The following PTPN14 variants were observed in gnomAD, a reference collection of about 807,000 sequenced individuals.
The protein encoded by PTPN14 is protein tyrosine phosphatase non-receptor type 14, also known as tyrosine-protein phosphatase non-receptor type 14.
A neutral mutation model predicts 126.8 loss-of-function variants in PTPN14; 53 were observed. That is an observed-to-expected ratio of 0.42 (90% CI 0.34 to 0.53). The LOEUF (loss-of-function observed/expected upper bound fraction) is 0.53. Ranked by LOEUF, PTPN14 falls within the 20% of genes least tolerant of loss-of-function variation. The probability of loss-of-function intolerance (pLI) is 0.08; values close to 1 mark genes in which losing one functional copy is unlikely to be tolerated. For missense variants in PTPN14, 1,257 were observed against 1,552.9 expected (o/e 0.81, Z 3.20); for synonymous variants, 630 against 599.3 (o/e 1.05, Z -0.75).
chr1:214,395,296 G>A (rs1658851901), intron 8 of PTPN14, among the ~76,000 whole-genome samples: 1 of 152,042 alleles, frequency 6.6e-6, no homozygotes, highest in Non-Finnish European at 1.5e-5. Flanking sequence ...TTTCCAAAGT[G>A]ACAAAACATT....
chr1:214,471,316 T>C (rs182738677), intron 1 of PTPN14, among the ~76,000 whole-genome samples: 2 of 152,268 alleles, frequency 1.3e-5, no homozygotes, highest in African/African-American at 4.8e-5. Flanking sequence ...CTATTAGGGA[T>C]AGGAACATGC....
At chr1:214,539,133 T>C (rs573070195) in intron 1 of PTPN14, among the ~76,000 whole-genome samples, 5 of 152,352 alleles carry the variant, frequency 3.3e-5, no homozygotes, top group African/African-American at 7.2e-5. Context: ...AGCCACTACA[T>C]GGTCTAAATT....
intron 1 of PTPN14, among the ~76,000 whole-genome samples, chr1:214,466,006 G>A (rs1234100035): frequency 8.9e-6 from 1 of 112,926 alleles, no homozygotes; most frequent in Non-Finnish European, 1.7e-5. Context: ...GCCCAGGCTG[G>A]AGTGCAGTGG....
At chr1:214,544,643 C>T (rs1438487283) in intron 1 of PTPN14, among the ~76,000 whole-genome samples, 1 of 151,664 alleles carries the variant, frequency 6.6e-6, no homozygotes, top group African/African-American at 2.4e-5. Context: ...CCCAGCTACT[C>T]AGGAGGCTGA....
intron 5 of PTPN14, among the ~76,000 whole-genome samples, chr1:214,405,661 C>T (rs1023652533): frequency 6.7e-6 from 1 of 149,144 alleles, no homozygotes; most frequent in Non-Finnish European, 1.5e-5. Context: ...CACTCTTCAA[C>T]GGTCTTATAT....
At chr1:214,439,643 GT>G (rs1659995031) in intron 3 of PTPN14, among the ~76,000 whole-genome samples, 1 of 152,158 alleles carries the variant, frequency 6.6e-6, no homozygotes, top group Non-Finnish European at 1.5e-5. Context: ...GTTGCAACAT[GT>G]CCCGCTATGA....
At chr1:214,475,008 A>C (rs1362195190) in intron 1 of PTPN14, among the ~76,000 whole-genome samples, 1 of 152,204 alleles carries the variant, frequency 6.6e-6, no homozygotes, top group African/African-American at 2.4e-5. Context: ...TTAAAAAATC[A>C]CGAGGGTTTG....
In PTPN14 at chr1:214,415,382, A is replaced by T. The variant is rs1200439566; in HGVS notation, c.345-656T>A. Among the ~76,000 whole-genome samples, 3 of 152,304 alleles carry T rather than the reference A, an allele frequency of 2.0e-5. No homozygotes were observed. In the East Asian group the frequency reaches 5.8e-4, roughly 29 times the overall value. On this transcript the variant is annotated intron_variant, in intron 3 of 18. Transcript: ENST00000366956. ...ACAGTGTACTGTTTCCCTACCAATA[A>T]AATAGCCCTCTTAGAATTACCTAAA...
chr1:214,538,200 A>G (rs1269176488), intron 1 of PTPN14, among the ~76,000 whole-genome samples: 4 of 152,218 alleles, frequency 2.6e-5, no homozygotes, highest in African/African-American at 9.6e-5. Context: ...AGACAAAAGG[A>G]AAGAATGAAT....
rs918597462 is a variant in PTPN14, at chr1:214,364,912, G to A, written c.3272-237C>T. 2.0e-5 allele frequency among the ~76,000 whole-genome samples: 3 copies of A among 152,002 alleles called. No individual in the cohort carries two copies. Among genetic ancestry groups the A allele is most frequent in the African/African-American group, 4.8e-5 (2 of 41,374 alleles). On this transcript the variant is annotated intron_variant, in intron 17 of 18. Transcript: ENST00000366956. This position sits in a 1 kb window ranked among gnomAD's most constrained non-coding sequence, Gnocchi z 4.1. The stretch of plus-strand genomic sequence containing the variant: ...GGACCAGCTGGGAGTCAATTAGTTC[G>A]TGGGAGAATTTGTTCTTTAAATTAA...
At chr1:214,494,927 C>T (rs1029055969) in intron 1 of PTPN14, among the ~76,000 whole-genome samples, 1 of 151,982 alleles carries the variant, frequency 6.6e-6, no homozygotes, top group African/African-American at 2.4e-5. Flanking sequence ...ACCTGGAATT[C>T]TTCTTGCTTG....
At chr1:214,436,989 T>A (rs1297514937) in intron 3 of PTPN14, among the ~76,000 whole-genome samples, 1 of 143,606 alleles carries the variant, frequency 7.0e-6, no homozygotes, top group African/African-American at 2.7e-5. Flanking sequence ...ATAACTGCTA[T>A]CTAGAACCAA....
intron 2 of PTPN14, among the ~76,000 whole-genome samples, chr1:214,459,659 G>A (rs1660465059): frequency 6.6e-6 from 1 of 151,730 alleles, no homozygotes; most frequent in Admixed American, 6.6e-5. Context: ...AGTAGGGACG[G>A]GGTTTCACCA....
At chr1:214,408,920 G>A (rs565868466) in intron 5 of PTPN14, among the ~76,000 whole-genome samples, 1 of 151,902 alleles carries the variant, frequency 6.6e-6, no homozygotes, top group Non-Finnish European at 1.5e-5. Flanking sequence ...GAGAGAGAGG[G>A]AAGCAAAGCA....
intron 18 of PTPN14, 80 bp from the exon 19 acceptor site, chr1:214,358,130 G>A: frequency 6.5e-7 from 1 of 1,531,462 alleles, no homozygotes; most frequent in Non-Finnish European, 8.9e-7. Context: ...CATTCAGGAA[G>A]CACTCACCCA....
At chr1:214,389,338 C>T (rs556478316) in intron 11 of PTPN14, among the ~76,000 whole-genome samples, 2 of 152,318 alleles carry the variant, frequency 1.3e-5, no homozygotes, top group African/African-American at 4.8e-5. Flanking sequence ...TAGCTAATCC[C>T]TCAAACATCA....
chr1:214,499,103 C>G (rs559698954), intron 1 of PTPN14, among the ~76,000 whole-genome samples: 1 of 152,220 alleles, frequency 6.6e-6, no homozygotes, highest in East Asian at 1.9e-4. Context: ...TCACACCTGG[C>G]GGCCCACACC....
At chr1:214,526,787 T>G (rs1002173488) in intron 1 of PTPN14, among the ~76,000 whole-genome samples, 1 of 151,994 alleles carries the variant, frequency 6.6e-6, no homozygotes, top group Non-Finnish European at 1.5e-5. Flanking sequence ...AAGAAAGTCA[T>G]GAAGTGGTAA....
At chr1:214,488,250 C>A (rs1661158255) in intron 1 of PTPN14, among the ~76,000 whole-genome samples, 1 of 152,126 alleles carries the variant, frequency 6.6e-6, no homozygotes, top group Non-Finnish European at 1.5e-5. Flanking sequence ...TTATGTTTCA[C>A]AGTAATTTGA....
Sources: gnomAD v4.1 joint callset for allele counts (sites outside exome capture counted in the v4.1 genomes callset) on GRCh38, gnomAD v4.1.1 for gene constraint, Gnocchi (gnomAD v3.1) non-coding constraint, MANE v1.5 for transcripts, NCBI Gene and HGNC (gene_info 2026-07-23, HGNC 2026-07-21) for gene names.